Variants in ZSWIM9 observed in about 807,000 individuals in gnomAD.
The protein encoded by ZSWIM9 is zinc finger SWIM-type containing 9, also known as uncharacterized protein ZSWIM9.
A neutral mutation model predicts 25.0 loss-of-function variants in ZSWIM9; 11 were observed. That is an observed-to-expected ratio of 0.44 (90% CI 0.28 to 0.73). The LOEUF (loss-of-function observed/expected upper bound fraction) is 0.73, where lower values mean the gene tolerates loss of function less well. Ranked by LOEUF, ZSWIM9 falls within the 30% of genes least tolerant of loss-of-function variation. The pLI is 0.16. For missense variants in ZSWIM9, 1,070 were observed against 1,296.5 expected, an observed-to-expected ratio of 0.83 and a Z score of 2.68; for synonymous variants, 562 against 582.1, an observed-to-expected ratio of 0.97 and a Z score of 0.50.
In ZSWIM9 at chr19:48,194,999, C is replaced by T; in HGVS notation, c.935C>T (p.Ala312Val). The change falls in exon 4 of 4, where the codon GCG becomes GTG. Residue 312 changes from alanine (A) to valine (V), a missense_variant. Ala to Val is a moderately conservative substitution (Grantham distance 64, BLOSUM62 0). This residue lies in a region of ZSWIM9 where 184 missense variants were observed against 243.1 expected (regional missense o/e 0.76). Coordinates refer to ENST00000614654, the MANE Select transcript of ZSWIM9 (RefSeq NM_199341.4). This position sits in a 1 kb window ranked among gnomAD's most constrained non-coding sequence, Gnocchi z 6.0. ...GCAGTGCGCCAGCTGCTGCCCTGCG[C>T]GCGCGTGCAGATCTGCCGCGCGCAG... ...LPAVRQLLPC[A>V]RVQICRAQGL... 7.4e-7 allele frequency: 1 copy of T among 1,348,360 alleles called. No homozygotes were observed. Among genetic ancestry groups the T allele is most frequent in the Non-Finnish European group, 9.5e-7 (1 of 1,056,622 alleles). 83.5% of individuals were successfully genotyped at this position (1,348,360 alleles called of 1,614,324 possible).
chr19:48,186,536 A>G lies in ZSWIM9; in HGVS notation c.588+3769A>G, dbSNP rs1268189997. 3 of 154,116 alleles carry G rather than the reference A, an allele frequency of 1.9e-5. No homozygotes were observed. In the Middle Eastern group the frequency reaches 2.5e-3, roughly 129 times the overall value. The allele number at this position is 154,116 out of a possible 1,614,324, so 9.5% of individuals were successfully genotyped here. On this transcript the variant is annotated intron_variant, in intron 3 of 3. Coordinates refer to ENST00000614654, the MANE Select transcript of ZSWIM9 (RefSeq NM_199341.4). ...AGCTGGTCTCAAACTCCTGACCTCA[A>G]GTGATCCACTCACCTTGGCCTCCTG...
At chr19:48,183,036 C>T (rs890891131) in intron 3 of ZSWIM9, 15 of 463,048 alleles carry the variant, frequency 3.2e-5, no homozygotes, top group Non-Finnish European at 5.4e-5. Flanking sequence ...TGTGATTCTG[C>T]ACCCCCAGCC....
At chr19:48,177,121 T>C (rs2036901585) in intron 2 of ZSWIM9, among the ~76,000 whole-genome samples, 1 of 152,006 alleles carries the variant, frequency 6.6e-6, no homozygotes, top group African/African-American at 2.4e-5. Flanking sequence ...TGATGGACCA[T>C]GCCCTAGCCA....
intron 2 of ZSWIM9, among the ~76,000 whole-genome samples, chr19:48,177,103 C>T (rs1746353580): frequency 6.6e-6 from 1 of 151,778 alleles, no homozygotes; most frequent in Non-Finnish European, 1.5e-5. Context: ...AATAAAATTC[C>T]CTACATGTGA....
chr19:48,171,049 CGAG>C (rs1229562550), intron 1 of ZSWIM9, among the ~76,000 whole-genome samples: 1 of 151,994 alleles, frequency 6.6e-6, no homozygotes, highest in Non-Finnish European at 1.5e-5. Context: ...GTGACACTTC[CGAG>C]GAGAACTAGC....
At position 48,182,800 on chromosome 19, in the gene ZSWIM9, G is replaced by C; in HGVS notation, c.588+33G>C. 6.7e-7 allele frequency: 1 copy of C among 1,486,698 alleles called. No individual in the cohort carries two copies. Among genetic ancestry groups the C allele is most frequent in the Non-Finnish European group, 9.0e-7 (1 of 1,113,868 alleles). The allele number at this position is 1,486,698 out of a possible 1,614,324, so 92.1% of individuals were successfully genotyped here. ...CTCGAGAGAGGCAGGCCGGGGGAGG[G>C]GGCGGGGGAAAGCCGCGCTGAAGAC... On this transcript the variant is annotated intron_variant, in intron 3 of 3. Transcript: ENST00000614654. This position sits in a 1 kb window ranked among gnomAD's most constrained non-coding sequence, Gnocchi z 4.6.
In ZSWIM9 at chr19:48,195,541, GAGA is replaced by G. The variant is rs559882757; in HGVS notation, c.1480_1482del (p.Lys494del). Reference sequence around the variant, plus strand: ...AAGTATTTGGAGGGGAGCCCAGATGGAGAAGGAGTGGGCAAGGGCACTGGAAAC... The same window carrying G: ...AAGTATTTGGAGGGGAGCCCAGATGGAGGAGTGGGCAAGGGCACTGGAAAC... On this transcript the variant is annotated inframe_deletion, in exon 4 of 4. Transcript: ENST00000614654. The surrounding 1 kb of genome is among the most constrained non-coding windows in gnomAD (Gnocchi z 5.8). 69 of 1,416,698 alleles carry G rather than the reference GAGA, an allele frequency of 4.9e-5. No individual in the cohort carries two copies. In the Admixed American group the frequency reaches 8.4e-4, roughly 17 times the overall value. The allele number at this position is 1,416,698 out of a possible 1,614,324, so 87.8% of individuals were successfully genotyped here.
intron 3 of ZSWIM9, among the ~76,000 whole-genome samples, chr19:48,184,295 G>A (rs2036986971): frequency 6.6e-6 from 1 of 152,124 alleles, no homozygotes; most frequent in South Asian, 2.1e-4. Flanking sequence ...AACAGCCAGT[G>A]CAAAGGCCCA....
chr19:48,188,757 C>T (rs539141898), intron 3 of ZSWIM9, among the ~76,000 whole-genome samples: 14 of 152,024 alleles, frequency 9.2e-5, no homozygotes, highest in African/African-American at 2.4e-4. Flanking sequence ...TGGGGCCAGG[C>T]GTGATGGCTC....
intron 3 of ZSWIM9, among the ~76,000 whole-genome samples, chr19:48,192,498 T>TACAC (rs1555787892): frequency 0.039 from 786 of 20,330 alleles, 88 homozygotes; most frequent in African/African-American, 0.08. Context: ...TATATATATA[T>TACAC]ACACACACAC....
intron 3 of ZSWIM9, among the ~76,000 whole-genome samples, chr19:48,191,316 T>C (rs2037092519): frequency 6.6e-6 from 1 of 152,148 alleles, no homozygotes; most frequent in African/African-American, 2.4e-5. Flanking sequence ...GCAATTCTCC[T>C]GTCTCAGCCT....
rs1372018708 is a variant in ZSWIM9 at position 48,189,576 on chromosome 19, A to G, written c.589-5077A>G. 8 of 148,876 alleles carry G rather than the reference A, an allele frequency of 5.4e-5. No homozygotes were observed. In the East Asian group the frequency reaches 1.2e-3, roughly 22 times the overall value. 9.2% of individuals were successfully genotyped at this position (148,876 alleles called of 1,614,324 possible). On this transcript the variant is annotated intron_variant, in intron 3 of 3. Transcript: ENST00000614654. ...GAGTGAGACTCCATCCTAAACAAAC[A>G]AAAAAAAAAGAATAAGAACAAGTCT... is the stretch of plus-strand genomic sequence containing the variant.
intron 3 of ZSWIM9, among the ~76,000 whole-genome samples, chr19:48,192,659 G>A (rs1163493843): frequency 3.3e-5 from 5 of 150,338 alleles, no homozygotes; most frequent in African/African-American, 4.9e-5. Flanking sequence ...GCTTGTTAGC[G>A]CAGTGGCCTT....
In ZSWIM9 at chr19:48,197,490, G is replaced by C; in HGVS notation, c.*663G>C. The C allele has an allele frequency of 1.7e-6, 1 of 572,114 alleles. No homozygotes were observed. Among genetic ancestry groups the C allele is most frequent in the South Asian group, 2.1e-5 (1 of 46,762 alleles). 35.4% of individuals were successfully genotyped at this position (572,114 alleles called of 1,614,324 possible). A position where few individuals can be genotyped will look rare whatever the true frequency, so the allele number is the denominator to read the frequency against. On this transcript the variant is annotated 3_prime_UTR_variant, in exon 4 of 4. Transcript: ENST00000614654. ...TTTTGGTTTTTCTCCAAGACCTGGA[G>C]ACATCGACCCCCATCGCCTTCTGAA...
Position 48,182,891 on chromosome 19 carries a change from C to G in ZSWIM9, c.588+124C>G. 1 of 740,026 alleles carries G rather than the reference C, an allele frequency of 1.4e-6. No homozygotes were observed. Among genetic ancestry groups the G allele is most frequent in the South Asian group, 1.9e-5 (1 of 53,678 alleles). The allele number at this position is 740,026 out of a possible 1,614,324, so 45.8% of individuals were successfully genotyped here. A position where few individuals can be genotyped will look rare whatever the true frequency, so the allele number is the denominator to read the frequency against. On this transcript the variant is annotated intron_variant, in intron 3 of 3. Coordinates refer to ENST00000614654, the MANE Select transcript of ZSWIM9 (RefSeq NM_199341.4). This position sits in a 1 kb window ranked among gnomAD's most constrained non-coding sequence, Gnocchi z 4.6. ...CACTCCTTTCCTCCATTCATCCGTT[C>G]ATTCATTCAATAAGTACTTACCGAG...
chr19:48,178,673 T>C (rs11670094), intron 2 of ZSWIM9, among the ~76,000 whole-genome samples: 6,842 of 151,726 alleles, frequency 0.045, 212 homozygotes, highest in Non-Finnish European at 0.072. Flanking sequence ...ACCTCCTGGG[T>C]TCAAGCGATC....
At position 48,182,282 on chromosome 19, in the gene ZSWIM9, A is replaced by G. The variant is rs2036955208; in HGVS notation, c.276-173A>G. On this transcript the variant is annotated intron_variant, in intron 2 of 3. Coordinates refer to ENST00000614654, the MANE Select transcript of ZSWIM9 (RefSeq NM_199341.4). This position sits in a 1 kb window ranked among gnomAD's most constrained non-coding sequence, Gnocchi z 4.6. The stretch of plus-strand genomic sequence containing the variant: ...TTGTAACCTATGAGGAAACTGAGGC[A>G]TAGAGACTTGAAGTGACTTGCCCCA... 9 of 612,198 alleles carry G rather than the reference A, an allele frequency of 1.5e-5. No individual in the cohort carries two copies. The highest frequency in any genetic ancestry group is 2.3e-5 in the Non-Finnish European group (8 of 350,324). The allele number at this position is 612,198 out of a possible 1,614,324, so 37.9% of individuals were successfully genotyped here.
chr19:48,181,018 C>G (rs2036943314), intron 2 of ZSWIM9: 1 of 151,584 alleles, frequency 6.6e-6, no homozygotes, highest in Non-Finnish European at 1.5e-5. Context: ...AACTCCTGAT[C>G]TCAGGTGATC....
At chr19:48,174,491 A>T (rs1237346442) in intron 2 of ZSWIM9, among the ~76,000 whole-genome samples, 1 of 152,104 alleles carries the variant, frequency 6.6e-6, no homozygotes, top group East Asian at 1.9e-4. Flanking sequence ...GATGCTGTTG[A>T]GTGAGTGACT....
Sources: gnomAD v4.1 joint callset for allele counts (sites outside exome capture counted in the v4.1 genomes callset) on GRCh38, gnomAD v4.1.1 for gene constraint, gnomAD v4.1.1 regional missense constraint, Gnocchi (gnomAD v3.1) non-coding constraint, MANE v1.5 for transcripts, NCBI Gene and HGNC (gene_info 2026-07-23, HGNC 2026-07-21) for gene names.